Variants in PTK2 observed in about 807,000 individuals in gnomAD.
The protein encoded by PTK2 is protein tyrosine kinase 2.
A neutral mutation model predicts 150.1 loss-of-function variants in PTK2; 45 were observed. That is an observed-to-expected ratio of 0.30 (90% CI 0.24 to 0.38). The LOEUF (loss-of-function observed/expected upper bound fraction) is 0.38, where lower values mean the gene tolerates loss of function less well. PTK2 is among the 10% of genes least tolerant of loss of function. The pLI, the probability that PTK2 is intolerant of heterozygous loss-of-function variation, is 1.00. For missense variants in PTK2, 919 were observed against 1,307.3 expected (o/e 0.70, Z 4.58); for synonymous variants, 432 against 449.2 (o/e 0.96, Z 0.48).
chr8:140,865,551 C>T lies in PTK2; in HGVS notation c.363-1152G>A, dbSNP rs559754648. Among the ~76,000 whole-genome samples the T allele has an allele frequency of 2.8e-3, 429 of 152,206 alleles. 3 individuals carry two copies. The highest frequency in any genetic ancestry group is 0.017 in the Middle Eastern group (5 of 294). On this transcript the variant is annotated intron_variant, in intron 4 of 31. Transcript: ENST00000522684. ...CCACTCAATAAAATTTCAATGCAAT[C>T]TTTTGAGGAAGCAAAGTTTGGTACA... is the stretch of plus-strand genomic sequence containing the variant.
chr8:140,749,910 C>T lies in PTK2; in HGVS notation c.1417+2322G>A, dbSNP rs531185679. Among the ~76,000 whole-genome samples, 39 of 152,228 alleles carry T rather than the reference C, an allele frequency of 2.6e-4. No homozygotes were observed. In the South Asian group the frequency reaches 7.7e-3, roughly 30 times the overall value. On this transcript the variant is annotated intron_variant, in intron 17 of 31. Coordinates refer to ENST00000522684, the Ensembl canonical transcript of PTK2. Reference sequence around the variant, plus strand: ...TTTTTGTAATGACAATTCCAAAGTCCTACAAAATCACAACATAGTAACTGT... The same window carrying T: ...TTTTTGTAATGACAATTCCAAAGTCTTACAAAATCACAACATAGTAACTGT...
chr8:140,873,307 G>A lies in PTK2; in HGVS notation c.362+6164C>T, dbSNP rs989977007. On this transcript the variant is annotated intron_variant, in intron 4 of 31. Transcript: ENST00000522684. ...GAGAGTGTCAGACAGCTGACTTTTTGCCAACTGGAGGTAGAGTTTCACTAA... is the reference window on the plus strand; with the variant it reads ...GAGAGTGTCAGACAGCTGACTTTTTACCAACTGGAGGTAGAGTTTCACTAA... Among the ~76,000 whole-genome samples the A allele has an allele frequency of 3.3e-5, 5 of 152,298 alleles. 1 individual carries two copies. The Middle Eastern group carries it at 0.01, about 311-fold the overall frequency.
chr8:140,734,828 G>A, intron 22 of PTK2: 1 of 493,606 alleles, frequency 2.0e-6, no homozygotes, highest in Non-Finnish European at 4.0e-6. Context: ...GTCAGGAAAG[G>A]GATTTCTGGG....
chr8:140,831,101 G>A (rs1014152909), intron 7 of PTK2, among the ~76,000 whole-genome samples: 1 of 152,188 alleles, frequency 6.6e-6, no homozygotes, highest in Non-Finnish European at 1.5e-5. Flanking sequence ...GGTAAAAAAG[G>A]TGAATTTATG....
intron 23 of PTK2, among the ~76,000 whole-genome samples, chr8:140,715,385 T>G (rs1243261791): frequency 6.6e-6 from 1 of 151,952 alleles, no homozygotes; most frequent in African/African-American, 2.4e-5. Flanking sequence ...TTGGCCAGGC[T>G]GGTCTCGAAT....
rs114691914 is a variant in PTK2 at position 140,995,986 on chromosome 8, G to A, written c.-122+5139C>T. Among the ~76,000 whole-genome samples the A allele has an allele frequency of 6.4e-3, 977 of 152,206 alleles. 6 individuals carry two copies. The highest frequency in any genetic ancestry group is 0.023 in the African/African-American group (935 of 41,536). On this transcript the variant is annotated intron_variant, in intron 1 of 31. Transcript: ENST00000522684. ...TGTAATCCCAGCTACTCAGTAGGCC[G>A]ACACCCGAGAACCACTTCAACCCGT... is the stretch of plus-strand genomic sequence containing the variant.
At chr8:140,990,385 C>T (rs1428606238) in intron 1 of PTK2, among the ~76,000 whole-genome samples, 1 of 151,998 alleles carries the variant, frequency 6.6e-6, no homozygotes, top group Non-Finnish European at 1.5e-5. Flanking sequence ...TAGGCATGTA[C>T]CACCACACCT....
At chr8:140,731,434 T>C (rs544269351) in intron 22 of PTK2, among the ~76,000 whole-genome samples, 1 of 152,340 alleles carries the variant, frequency 6.6e-6, no homozygotes, top group African/African-American at 2.4e-5. Flanking sequence ...AATCTCATTC[T>C]ACTTCTCAAT....
intron 1 of PTK2, among the ~76,000 whole-genome samples, chr8:140,927,609 T>G (rs947270911): frequency 2.0e-5 from 3 of 152,086 alleles, no homozygotes; most frequent in African/African-American, 7.2e-5. Flanking sequence ...ATATACATTT[T>G]AAATTTATCC....
intron 5 of PTK2, among the ~76,000 whole-genome samples, chr8:140,863,363 G>T (rs1450525889): frequency 3.3e-5 from 5 of 151,880 alleles, no homozygotes; most frequent in Non-Finnish European, 7.4e-5. Context: ...CATCTAATCA[G>T]AGTGGTCTCA....
chr8:140,815,411 C>G (rs1269291209), intron 10 of PTK2, among the ~76,000 whole-genome samples: 3 of 151,982 alleles, frequency 2.0e-5, no homozygotes, highest in Non-Finnish European at 4.4e-5. Flanking sequence ...TGGGGCCTAC[C>G]AGAGGGTGGA....
intron 5 of PTK2, among the ~76,000 whole-genome samples, chr8:140,857,028 T>C (rs756997494): frequency 2.0e-5 from 3 of 152,218 alleles, no homozygotes; most frequent in African/African-American, 4.8e-5. Flanking sequence ...TGAAGTTTCA[T>C]AATACAATGT....
At chr8:140,742,252 G>A (rs959005088) in intron 20 of PTK2, among the ~76,000 whole-genome samples, 4 of 152,196 alleles carry the variant, frequency 2.6e-5, no homozygotes, top group East Asian at 1.9e-4. Context: ...ACAACCAGCC[G>A]CATCTGGTGT....
rs79616776 is a variant in PTK2, at chr8:140,952,238, G to A, written c.-121-26489C>T. Among the ~76,000 whole-genome samples, 29 of 152,302 alleles carry A rather than the reference G, an allele frequency of 1.9e-4. No homozygotes were observed. The East Asian group carries it at 5.4e-3, about 28-fold the overall frequency. On this transcript the variant is annotated intron_variant, in intron 1 of 31. Transcript: ENST00000522684. ...TAAGCAGAGATGAAATAACAAAACT[G>A]CCCTCACACACAGACTCACACCCAA...
chr8:140,678,493 A>G (rs1401514485), intron 27 of PTK2, among the ~76,000 whole-genome samples: 1 of 152,064 alleles, frequency 6.6e-6, no homozygotes, highest in Non-Finnish European at 1.5e-5. Context: ...AGCTGGGACC[A>G]CAGGTGCATG....
intron 4 of PTK2, among the ~76,000 whole-genome samples, chr8:140,875,195 A>G (rs2154606929): frequency 6.6e-6 from 1 of 152,332 alleles, no homozygotes; most frequent in South Asian, 2.1e-4. Context: ...CATACTCAGC[A>G]GAGTCACACC....
At chr8:140,937,361 G>T (rs2100174005) in intron 1 of PTK2, among the ~76,000 whole-genome samples, 1 of 152,012 alleles carries the variant, frequency 6.6e-6, no homozygotes, top group South Asian at 2.1e-4. Context: ...TGAAAATAAA[G>T]TTATGCCATG....
chr8:140,943,248 T>G (rs2100176478), intron 1 of PTK2, among the ~76,000 whole-genome samples: 2 of 152,186 alleles, frequency 1.3e-5, no homozygotes, highest in African/African-American at 4.8e-5. Context: ...TCTTTTATAC[T>G]CAATTCTCTC....
At chr8:140,685,000 A>C (rs2100019020) in intron 27 of PTK2, among the ~76,000 whole-genome samples, 1 of 152,208 alleles carries the variant, frequency 6.6e-6, no homozygotes, top group Non-Finnish European at 1.5e-5. Context: ...ACTATACTAC[A>C]AGGCTATAGT....
Sources: allele counts gnomAD v4.1 joint callset (sites outside exome capture counted in the v4.1 genomes callset), GRCh38; gene constraint gnomAD v4.1.1; transcripts MANE v1.5; gene names NCBI Gene and HGNC (gene_info 2026-07-23, HGNC 2026-07-21).